The following B3GNT5 variants were observed in gnomAD, a reference collection of about 807,000 sequenced individuals.
B3GNT5 encodes the protein UDP-GlcNAc:betaGal beta-1,3-N-acetylglucosaminyltransferase 5, also known as lactosylceramide 1,3-N-acetyl-beta-D-glucosaminyltransferase.
B3GNT5 carries 11 observed loss-of-function variants against 25.9 expected under a neutral mutation model. The observed-to-expected ratio is 0.42, with a 90% CI of 0.27 to 0.70. The LOEUF is 0.70. Among genes scored for constraint, B3GNT5 ranks in the 30% least tolerant of loss-of-function variants. The probability of loss-of-function intolerance (pLI) is 0.23; values close to 1 mark genes in which losing one functional copy is unlikely to be tolerated. For missense variants in B3GNT5, 385 were observed against 458.4 expected, an observed-to-expected ratio of 0.84 and a Z score of 1.46; for synonymous variants, 166 against 158.6, an observed-to-expected ratio of 1.05 and a Z score of -0.35.
chr3:183,272,703 A>G lies in B3GNT5; in HGVS notation c.*1768A>G. 1 of 1,015,936 alleles carries G rather than the reference A, an allele frequency of 9.8e-7. No individual in the cohort carries two copies. Among genetic ancestry groups the G allele is most frequent in the Non-Finnish European group, 1.2e-6 (1 of 840,220 alleles). 62.9% of individuals were successfully genotyped at this position (1,015,936 alleles called of 1,614,324 possible). ...CAATTAAAAAAACATAGAGAACAAA[A>G]GCATATTTGACCAAGCAACAAGCTT... is the stretch of plus-strand genomic sequence containing the variant. On this transcript the variant is annotated 3_prime_UTR_variant, in exon 2 of 2. Transcript: ENST00000326505.
intron 1 of B3GNT5, among the ~76,000 whole-genome samples, chr3:183,261,741 T>A (rs1725606319): frequency 6.6e-6 from 1 of 152,170 alleles, no homozygotes; most frequent in South Asian, 2.1e-4. Context: ...ATGATTAAAT[T>A]TCTTAGTTTT....
rs778958256 is a variant in B3GNT5, at chr3:183,270,147, G to A, written c.349G>A (p.Val117Ile). The change falls in exon 2 of 2, where the codon GTT (valine) becomes ATT (isoleucine). Residue 117 changes from valine (V) to isoleucine (I), a missense_variant. Transcript: ENST00000326505. The surrounding 1 kb of genome is among the most constrained non-coding windows in gnomAD (Gnocchi z 4.5). ...IRRTWGNENYVRSQLNANIKT... is the reference protein window; with the variant it reads ...IRRTWGNENYIRSQLNANIKT... ...AAGGACGTGGGGCAATGAAAATTATGTTCGGTCTCAGCTGAATGCCAACAT... is the reference window on the plus strand; with the variant it reads ...AAGGACGTGGGGCAATGAAAATTATATTCGGTCTCAGCTGAATGCCAACAT... 1 of 1,614,144 alleles carries A rather than the reference G, an allele frequency of 6.2e-7. No individual in the cohort carries two copies.
intron 1 of B3GNT5, among the ~76,000 whole-genome samples, chr3:183,263,098 A>G (rs1483064014): frequency 6.6e-6 from 1 of 152,088 alleles, no homozygotes; most frequent in East Asian, 1.9e-4. Context: ...TGAGTGTACT[A>G]TAGAGTGAGT....
chr3:183,266,414 G>A (rs764584445), intron 1 of B3GNT5, among the ~76,000 whole-genome samples: 11 of 152,218 alleles, frequency 7.2e-5, no homozygotes, highest in Admixed American at 3.3e-4. Context: ...ATGCTTTTCA[G>A]TTGAGAATTT....
chr3:183,269,863 C>T lies in B3GNT5; in HGVS notation c.65C>T (p.Thr22Ile). ...CAGTTAATTATTCAGTTATTTGCTA[C>T]TTGTTTTTTAGCGAGCCTCATGTTT... ...KWQLIIQLFATCFLASLMFFW... is the reference protein window; with the variant it reads ...KWQLIIQLFAICFLASLMFFW... The change falls in exon 2 of 2, where the codon ACT becomes ATT. Residue 22 changes from threonine to isoleucine, a missense_variant. Physicochemically the swap from Thr to Ile is moderately conservative, Grantham distance 89 (BLOSUM62 -1). Transcript: ENST00000326505. 6.2e-7 allele frequency: 1 copy of T among 1,613,840 alleles called. No homozygotes were observed. Among genetic ancestry groups the T allele is most frequent in the Non-Finnish European group, 8.5e-7 (1 of 1,179,946 alleles).
rs1262949149 is a variant in B3GNT5 at position 183,272,955 on chromosome 3, T to C, written c.*2020T>C. 1.0e-5 allele frequency: 15 copies of C among 1,441,280 alleles called. No individual in the cohort carries two copies. Among genetic ancestry groups the C allele is most frequent in the African/African-American group, 1.5e-5 (1 of 67,032 alleles). The allele number at this position is 1,441,280 out of a possible 1,614,324, so 89.3% of individuals were successfully genotyped here. ...CTTTTAATTTTTGCTTAGAATAGAA[T>C]GGAACAAGTTTAAATTTCAAGGAAA... On this transcript the variant is annotated 3_prime_UTR_variant, in exon 2 of 2. Coordinates refer to ENST00000326505, the MANE Select transcript of B3GNT5 (RefSeq NM_032047.5).
chr3:183,270,659 C>T lies in B3GNT5; in HGVS notation c.861C>T (p.Gly287=). ...SSLYIDDVFM[G]LCANKIGIVP... Reference sequence around the variant, plus strand: ...TTTACATAGACGATGTGTTCATGGGCCTCTGTGCCAATAAAATAGGGATAG... The same window carrying T: ...TTTACATAGACGATGTGTTCATGGGTCTCTGTGCCAATAAAATAGGGATAG... Residue 287 remains glycine (G), a synonymous_variant, in exon 2 of 2, where the codon GGC becomes GGT. Coordinates refer to ENST00000326505, the MANE Select transcript of B3GNT5 (RefSeq NM_032047.5). This position sits in a 1 kb window ranked among gnomAD's most constrained non-coding sequence, Gnocchi z 4.5. The T allele has an allele frequency of 6.2e-7, 1 of 1,614,076 alleles. No individual in the cohort carries two copies. The highest frequency in any genetic ancestry group is 8.5e-7 in the Non-Finnish European group (1 of 1,180,028).
chr3:183,254,136 C>T (rs1356363877), intron 1 of B3GNT5: 3 of 151,830 alleles, frequency 2.0e-5, no homozygotes, highest in East Asian at 3.9e-4. Flanking sequence ...GGCTCCGAGT[C>T]TGCCCACTCC....
chr3:183,272,335 GTGAC>G lies in B3GNT5; in HGVS notation c.*1404_*1407del. The G allele has an allele frequency of 5.0e-6, 5 of 1,000,248 alleles. No individual in the cohort carries two copies. The highest frequency in any genetic ancestry group is 6.0e-6 in the Non-Finnish European group (5 of 829,992). 62.0% of individuals were successfully genotyped at this position (1,000,248 alleles called of 1,614,324 possible). ...GGCCAAAATAATGACTTCAGCAAGAGTGACTGAACTCACTCTAAGGCCTTTGACT... is the reference window on the plus strand; with the variant it reads ...GGCCAAAATAATGACTTCAGCAAGAGTGAACTCACTCTAAGGCCTTTGACT... On this transcript the variant is annotated 3_prime_UTR_variant, in exon 2 of 2. Transcript: ENST00000326505.
chr3:183,258,156 T>A (rs370645116), intron 1 of B3GNT5: 1 of 152,104 alleles, frequency 6.6e-6, no homozygotes, highest in East Asian at 1.9e-4. Flanking sequence ...TTAGTAGAGA[T>A]GGGGTTTCAC....
chr3:183,272,758 A>G lies in B3GNT5; in HGVS notation c.*1823A>G. On this transcript the variant is annotated 3_prime_UTR_variant, in exon 2 of 2. Coordinates refer to ENST00000326505, the MANE Select transcript of B3GNT5 (RefSeq NM_032047.5). ...TTAATTTTTATTAGTTGATTGATTA[A>G]TGATGTATTGCCTTTTGCCCATATA... The G allele has an allele frequency of 9.3e-7, 1 of 1,079,936 alleles. No homozygotes were observed. The highest frequency in any genetic ancestry group is 1.7e-5 in the African/African-American group (1 of 60,458). The allele number at this position is 1,079,936 out of a possible 1,614,324, so 66.9% of individuals were successfully genotyped here.
At chr3:183,265,581 G>C (rs1261701326) in intron 1 of B3GNT5, 2 of 152,278 alleles carry the variant, frequency 1.3e-5, no homozygotes, top group African/African-American at 4.8e-5. Context: ...ACTTGTAATT[G>C]ATCAATTTAG....
chr3:183,272,960 C>A lies in B3GNT5; in HGVS notation c.*2025C>A. 6.9e-7 allele frequency: 1 copy of A among 1,445,542 alleles called. No homozygotes were observed. Among genetic ancestry groups the A allele is most frequent in the Non-Finnish European group, 9.1e-7 (1 of 1,102,336 alleles). 89.5% of individuals were successfully genotyped at this position (1,445,542 alleles called of 1,614,324 possible). A position where few individuals can be genotyped will look rare whatever the true frequency, so the allele number is the denominator to read the frequency against. On this transcript the variant is annotated 3_prime_UTR_variant, in exon 2 of 2. Coordinates refer to ENST00000326505, the MANE Select transcript of B3GNT5 (RefSeq NM_032047.5). ...AATTTTTGCTTAGAATAGAATGGAA[C>A]AAGTTTAAATTTCAAGGAAATATGA...
At position 183,270,344 on chromosome 3, in the gene B3GNT5, T is replaced by C. The variant is rs142129979; in HGVS notation, c.546T>C (p.Tyr182=). The C allele has an allele frequency of 1.4e-5, 23 of 1,614,068 alleles. No individual in the cohort carries two copies. In the African/African-American group the frequency reaches 2.5e-4, roughly 18 times the overall value. The change falls in exon 2 of 2, where the codon TAT becomes TAC. Residue 182 remains tyrosine, a synonymous_variant. Transcript: ENST00000326505. This position sits in a 1 kb window ranked among gnomAD's most constrained non-coding sequence, Gnocchi z 4.5. ...TGCAGTTCAGTTGGGCAAATACCTA[T>C]TGTCCACATGCCAAATTTCTTATGA... ...LLMQFSWANT[Y]CPHAKFLMTA...
At chr3:183,258,807 C>A (rs1168938543) in intron 1 of B3GNT5, among the ~76,000 whole-genome samples, 1 of 152,054 alleles carries the variant, frequency 6.6e-6, no homozygotes, top group African/African-American at 2.4e-5. Flanking sequence ...AGGCATGTAG[C>A]CTTGAGCTCC....
At chr3:183,261,685 C>T (rs1302113372) in intron 1 of B3GNT5, among the ~76,000 whole-genome samples, 1 of 151,898 alleles carries the variant, frequency 6.6e-6, no homozygotes, top group African/African-American at 2.4e-5. Flanking sequence ...GGTTTCACTA[C>T]AGTATTTTAT....
chr3:183,272,851 C>T lies in B3GNT5; in HGVS notation c.*1916C>T. Reference sequence around the variant, plus strand: ...GGTTGAAAACATAAGTGTCTCTGGCCATCAAAGTGATCTTGTTTACAGCAG... The same window carrying T: ...GGTTGAAAACATAAGTGTCTCTGGCTATCAAAGTGATCTTGTTTACAGCAG... On this transcript the variant is annotated 3_prime_UTR_variant, in exon 2 of 2. Coordinates refer to ENST00000326505, the MANE Select transcript of B3GNT5 (RefSeq NM_032047.5). The T allele has an allele frequency of 2.4e-6, 3 of 1,255,412 alleles. No individual in the cohort carries two copies. The highest frequency in any genetic ancestry group is 3.0e-6 in the Non-Finnish European group (3 of 989,232). The allele number at this position is 1,255,412 out of a possible 1,614,324, so 77.8% of individuals were successfully genotyped here.
intron 1 of B3GNT5, among the ~76,000 whole-genome samples, chr3:183,262,686 T>G: frequency 7.2e-6 from 1 of 137,938 alleles, no homozygotes; most frequent in African/African-American, 2.8e-5. Flanking sequence ...CTCCTTTCTC[T>G]AGGAAGCAGA....
chr3:183,264,861 G>T (rs1427038245), intron 1 of B3GNT5, among the ~76,000 whole-genome samples: 2 of 152,106 alleles, frequency 1.3e-5, no homozygotes. Context: ...TGAGGGGCAC[G>T]GCTCCTAGAC....
Sources: gnomAD v4.1 joint callset for allele counts (sites outside exome capture counted in the v4.1 genomes callset) on GRCh38, gnomAD v4.1.1 for gene constraint, Gnocchi (gnomAD v3.1) non-coding constraint, MANE v1.5 for transcripts, NCBI Gene and HGNC (gene_info 2026-07-23, HGNC 2026-07-21) for gene names.